The following METTL15 variants were observed in gnomAD, a reference collection of about 807,000 sequenced individuals.
METTL15 encodes methyltransferase 15, mitochondrial 12S rRNA N4-cytidine, also known as 12S rRNA N(4)-cytidine methyltransferase METTL15.
In METTL15, 34 loss-of-function variants were observed where a neutral mutation model predicts 38.3. That is an observed-to-expected ratio of 0.89 (90% CI 0.68 to 1.18). METTL15 has a LOEUF of 1.18. Among genes scored for constraint, METTL15 ranks in the 50% most tolerant of loss-of-function variants. METTL15 has a pLI of 0.00. For missense variants in METTL15, 438 were observed against 498.4 expected (o/e 0.88, Z 1.15); for synonymous variants, 162 against 170.9 (o/e 0.95, Z 0.41).
At chr11:28,193,980 T>C (rs1376427694) in intron 3 of METTL15, among the ~76,000 whole-genome samples, 1 of 152,024 alleles carries the variant, frequency 6.6e-6, no homozygotes, top group African/African-American at 2.4e-5. Flanking sequence ...GGGTTATCTA[T>C]TTTGTTCAAG....
At chr11:28,281,243 G>T (rs1167925297) in intron 4 of METTL15, among the ~76,000 whole-genome samples, 11 of 151,966 alleles carry the variant, frequency 7.2e-5, no homozygotes, top group Non-Finnish European at 4.4e-5. Context: ...ATTTTTTGTT[G>T]ACCTTTCTAC....
chr11:28,288,804 T>C (rs1057047606), intron 4 of METTL15, among the ~76,000 whole-genome samples: 2 of 152,074 alleles, frequency 1.3e-5, no homozygotes, highest in African/African-American at 4.8e-5. Context: ...CATGTACCCC[T>C]GAACTTAAAA....
chr11:28,114,188 A>G (rs1016993057), intron 3 of METTL15, among the ~76,000 whole-genome samples: 17 of 152,070 alleles, frequency 1.1e-4, no homozygotes, highest in African/African-American at 3.9e-4. Context: ...TTTTGTCTCT[A>G]TGAATTTGCT....
chr11:28,193,624 A>G (rs572977390), intron 3 of METTL15, among the ~76,000 whole-genome samples: 1 of 152,190 alleles, frequency 6.6e-6, no homozygotes, highest in South Asian at 2.1e-4. Flanking sequence ...CCATTCCATA[A>G]TTGTTTATAT....
At chr11:28,362,854 G>C (rs1850151998) in intron 5 of METTL15, among the ~76,000 whole-genome samples, 1 of 152,170 alleles carries the variant, frequency 6.6e-6, no homozygotes, top group African/African-American at 2.4e-5. Context: ...CTTCATGATA[G>C]AATGAATTAT....
At chr11:28,257,900 A>C (rs1855037820) in intron 4 of METTL15, among the ~76,000 whole-genome samples, 1 of 152,042 alleles carries the variant, frequency 6.6e-6, no homozygotes, top group Non-Finnish European at 1.5e-5. Context: ...GCTTTACTTC[A>C]TTTGGTGAGG....
chr11:28,192,655 A>T (rs1298310523), intron 3 of METTL15, among the ~76,000 whole-genome samples: 3 of 152,004 alleles, frequency 2.0e-5, no homozygotes, highest in African/African-American at 7.2e-5. Context: ...AGCTATCTGG[A>T]ACTGGACTTT....
At chr11:28,395,230 A>G (rs1850555971) in intron 5 of METTL15, among the ~76,000 whole-genome samples, 1 of 152,096 alleles carries the variant, frequency 6.6e-6, no homozygotes, top group African/African-American at 2.4e-5. Context: ...TAGGTGCAGC[A>G]TAAGAGACTA....
chr11:28,192,463 T>C (rs1488296593), intron 3 of METTL15, among the ~76,000 whole-genome samples: 1 of 151,704 alleles, frequency 6.6e-6, no homozygotes, highest in Non-Finnish European at 1.5e-5. Context: ...TACATCTATG[T>C]TCTGTGAAGG....
chr11:28,171,652 T>C (rs1479226864), intron 3 of METTL15, among the ~76,000 whole-genome samples: 1 of 152,212 alleles, frequency 6.6e-6, no homozygotes, highest in African/African-American at 2.4e-5. Context: ...AATATAGTGA[T>C]GTTATTGGGT....
rs145018242 is a variant in METTL15 at position 28,508,463 on chromosome 11, C to A, written c.*425-18015C>A. Among the ~76,000 whole-genome samples, 22 of 152,292 alleles carry A rather than the reference C, an allele frequency of 1.4e-4. No homozygotes were observed. In the East Asian group the frequency reaches 3.7e-3, roughly 25 times the overall value. ...CATCACTATTAACTGTAATTCTGTTCTTATCCAACTACCTACTTATCCATC... is the reference window on the plus strand; with the variant it reads ...CATCACTATTAACTGTAATTCTGTTATTATCCAACTACCTACTTATCCATC... On this transcript the variant is annotated intron_variant and NMD_transcript_variant, in intron 6 of 7. Transcript: ENST00000532947.
chr11:28,277,306 A>G (rs1242806699), intron 4 of METTL15, among the ~76,000 whole-genome samples: 1 of 152,238 alleles, frequency 6.6e-6, no homozygotes, highest in Non-Finnish European at 1.5e-5. Context: ...GCTATTCACA[A>G]TAGCAAAGAT....
rs537214575 is a variant in METTL15 at position 28,367,752 on chromosome 11, T to C, written c.*358+5716T>C. Reference sequence around the variant, plus strand: ...CATGGTACTGGTACCAAAATAGATATATAGAATAGAACAGAACAGAGGCCT... The same window carrying C: ...CATGGTACTGGTACCAAAATAGATACATAGAATAGAACAGAACAGAGGCCT... On this transcript the variant is annotated intron_variant and NMD_transcript_variant, in intron 5 of 7. Transcript: ENST00000532947. 1.4e-4 allele frequency among the ~76,000 whole-genome samples: 21 copies of C among 151,694 alleles called. No homozygotes were observed. The South Asian group carries it at 3.3e-3, about 24-fold the overall frequency.
rs1849820106 is a variant in METTL15, at chr11:28,331,688, A to G, written c.*847A>G. ...TCAATGCTCCCTTAATGTTGTTACA[A>G]AGATATGGTAACTGTAATATGGGTA... On this transcript the variant is annotated 3_prime_UTR_variant, in exon 7 of 7. Coordinates refer to ENST00000407364, the MANE Select transcript of METTL15 (RefSeq NM_001113528.2). 2.6e-5 allele frequency: 4 copies of G among 152,166 alleles called. No homozygotes were observed. Among genetic ancestry groups the G allele is most frequent in the Admixed American group, 2.6e-4 (4 of 15,270 alleles). 9.4% of individuals were successfully genotyped at this position (152,166 alleles called of 1,614,324 possible). A position where few individuals can be genotyped will look rare whatever the true frequency, so the allele number is the denominator to read the frequency against.
intron 5 of METTL15, among the ~76,000 whole-genome samples, chr11:28,367,227 C>T (rs1365609179): frequency 6.7e-6 from 1 of 149,650 alleles, no homozygotes; most frequent in East Asian, 1.9e-4. Flanking sequence ...GAGAGCTAGG[C>T]AGCTTGTTGC....
chr11:28,111,945 T>C (rs1323538000), intron 2 of METTL15, among the ~76,000 whole-genome samples: 1 of 152,124 alleles, frequency 6.6e-6, no homozygotes, highest in Non-Finnish European at 1.5e-5. Flanking sequence ...AAAAATCTAC[T>C]TAGATCACTC....
At chr11:28,313,620 C>A (rs1857381329) in intron 6 of METTL15, among the ~76,000 whole-genome samples, 1 of 150,804 alleles carries the variant, frequency 6.6e-6, no homozygotes, top group African/African-American at 2.4e-5. Context: ...TTAATTTTAT[C>A]TCTTTATTTA....
At chr11:28,148,937 C>T (rs1255546340) in intron 3 of METTL15, among the ~76,000 whole-genome samples, 1 of 151,984 alleles carries the variant, frequency 6.6e-6, no homozygotes, top group East Asian at 1.9e-4. Flanking sequence ...TTATAACTTA[C>T]TGCATTCATA....
At chr11:28,255,588 A>T (rs1854938785) in intron 4 of METTL15, among the ~76,000 whole-genome samples, 1 of 152,176 alleles carries the variant, frequency 6.6e-6, no homozygotes, top group African/African-American at 2.4e-5. Context: ...TGGGTCTATC[A>T]TATATGGTTT....
Sources: gnomAD v4.1 joint callset for allele counts (sites outside exome capture counted in the v4.1 genomes callset) on GRCh38, gnomAD v4.1.1 for gene constraint, MANE v1.5 for transcripts, NCBI Gene and HGNC (gene_info 2026-07-23, HGNC 2026-07-21) for gene names.